Variants in CDK19 observed in about 807,000 individuals in gnomAD.
The protein encoded by CDK19 is cyclin dependent kinase 19.
A neutral mutation model predicts 68.3 loss-of-function variants in CDK19; 20 were observed. The ratio of observed to expected loss-of-function variants is 0.29; its 90% CI spans 0.21 to 0.43. The LOEUF is 0.43. Ranked by LOEUF, CDK19 falls within the 20% of genes least tolerant of loss-of-function variation. The probability of loss-of-function intolerance (pLI) is 1.00; values close to 1 mark genes in which losing one functional copy is unlikely to be tolerated. For synonymous variants in CDK19, 221 were observed against 222.8 expected (o/e 0.99, Z 0.07); for missense variants, 339 against 623.5 (o/e 0.54, Z 4.86).
intron 2 of CDK19, among the ~76,000 whole-genome samples, chr6:110,697,476 G>A (rs909047068): frequency 6.6e-6 from 1 of 152,016 alleles, no homozygotes; most frequent in Non-Finnish European, 1.5e-5. Context: ...TCTCCACAAG[G>A]AAAACTACAA....
intron 2 of CDK19, among the ~76,000 whole-genome samples, chr6:110,673,271 T>G (rs892147958): frequency 6.6e-6 from 1 of 152,226 alleles, no homozygotes; most frequent in African/African-American, 2.4e-5. Flanking sequence ...GTAGCATGTA[T>G]GAGAATTTCA....
At chr6:110,656,749 T>A (rs186299972) in intron 4 of CDK19, among the ~76,000 whole-genome samples, 1 of 152,354 alleles carries the variant, frequency 6.6e-6, no homozygotes, top group East Asian at 1.9e-4. Flanking sequence ...AGATAAGGTT[T>A]TCTTTTCTCT....
At chr6:110,679,544 G>A (rs1181427162) in intron 2 of CDK19, among the ~76,000 whole-genome samples, 2 of 151,966 alleles carry the variant, frequency 1.3e-5, no homozygotes, top group Admixed American at 6.6e-5. Flanking sequence ...CCTGGGAGGC[G>A]GAGGTTGCAG....
At chr6:110,701,286 T>C (rs1773982328) in intron 2 of CDK19, among the ~76,000 whole-genome samples, 1 of 151,366 alleles carries the variant, frequency 6.6e-6, no homozygotes, top group African/African-American at 2.4e-5. Context: ...CTCAAGCCTG[T>C]AATCCCAGCA....
chr6:110,731,134 AG>A, intron 2 of CDK19, among the ~76,000 whole-genome samples: 1 of 146,162 alleles, frequency 6.8e-6, no homozygotes, highest in East Asian at 1.9e-4. Context: ...AGAAAAGAAA[AG>A]AAAAAAGAAA....
At chr6:110,620,977 G>C (rs998629081) in intron 12 of CDK19, 127 bp downstream of exon 12, 2 of 804,852 alleles carry the variant, frequency 2.5e-6, no homozygotes, top group Non-Finnish European at 3.8e-6. Flanking sequence ...CCTCTTCATA[G>C]AATGCCCTAG....
chr6:110,716,555 AC>A (rs1775414619), intron 2 of CDK19, among the ~76,000 whole-genome samples: 2 of 152,222 alleles, frequency 1.3e-5, no homozygotes, highest in African/African-American at 4.8e-5. Flanking sequence ...GAATCTTTCT[AC>A]AAAAAGATTA....
At chr6:110,717,407 A>G (rs78515894) in intron 2 of CDK19, among the ~76,000 whole-genome samples, 2,119 of 152,276 alleles carry the variant, frequency 0.014, 53 homozygotes, top group African/African-American at 0.049. Context: ...ATTTCAACTG[A>G]CAGGTAGTAC....
intron 4 of CDK19, among the ~76,000 whole-genome samples, chr6:110,656,629 T>C (rs1781322775): frequency 6.6e-6 from 1 of 152,234 alleles, no homozygotes. Context: ...AACACCTATG[T>C]TAATCAAACT....
intron 4 of CDK19, among the ~76,000 whole-genome samples, chr6:110,642,880 G>A (rs948425761): frequency 6.6e-6 from 1 of 151,704 alleles, no homozygotes; most frequent in Admixed American, 6.6e-5. Flanking sequence ...GCAGAGGAGA[G>A]GGAAAAGAGA....
At chr6:110,814,648 C>T (rs1029012762) in intron 1 of CDK19, 3 of 493,014 alleles carry the variant, frequency 6.1e-6, no homozygotes, top group Admixed American at 2.3e-5. Flanking sequence ...GGCAACTCCG[C>T]AGCGGAGCTC....
chr6:110,695,326 C>T (rs1296366421), intron 2 of CDK19, among the ~76,000 whole-genome samples: 1 of 152,020 alleles, frequency 6.6e-6, no homozygotes, highest in African/African-American at 2.4e-5. Context: ...GTGACACAAC[C>T]TAGCAAAACC....
At chr6:110,801,672 C>T (rs1219883952) in intron 1 of CDK19, among the ~76,000 whole-genome samples, 6 of 151,990 alleles carry the variant, frequency 3.9e-5, no homozygotes, top group South Asian at 2.1e-4. Flanking sequence ...CCACTGCACC[C>T]GGCTAATTTT....
chr6:110,787,426 G>T (rs961585413), intron 1 of CDK19, among the ~76,000 whole-genome samples: 1 of 151,504 alleles, frequency 6.6e-6, no homozygotes, highest in African/African-American at 2.4e-5. Context: ...TCTCCTCAAT[G>T]TTTTTTTTGT....
intron 2 of CDK19, among the ~76,000 whole-genome samples, chr6:110,724,769 A>T (rs1272304403): frequency 6.6e-6 from 1 of 152,230 alleles, no homozygotes; most frequent in Non-Finnish European, 1.5e-5. Context: ...TTAGATAGCT[A>T]GATAAGATCT....
At chr6:110,687,203 T>G (rs2114553697) in intron 2 of CDK19, among the ~76,000 whole-genome samples, 1 of 152,282 alleles carries the variant, frequency 6.6e-6, no homozygotes, top group Non-Finnish European at 1.5e-5. Flanking sequence ...TGATGGAACT[T>G]ACCTAACACA....
At chr6:110,632,483 C>T (rs1167833922) in intron 5 of CDK19, among the ~76,000 whole-genome samples, 1 of 152,232 alleles carries the variant, frequency 6.6e-6, no homozygotes, top group African/African-American at 2.4e-5. Flanking sequence ...ATAATCCCAG[C>T]ACTCTGGGAG....
chr6:110,784,095 G>A (rs1403521381), intron 1 of CDK19, among the ~76,000 whole-genome samples: 1 of 146,424 alleles, frequency 6.8e-6, no homozygotes, highest in Non-Finnish European at 1.5e-5. Flanking sequence ...GGAGGCAGAG[G>A]CTGCAGCGAA....
At chr6:110,812,172 G>A (rs937734790) in intron 1 of CDK19, among the ~76,000 whole-genome samples, 2 of 151,564 alleles carry the variant, frequency 1.3e-5, no homozygotes, top group African/African-American at 4.9e-5. Context: ...CCTGGCTGGA[G>A]TGCAGTGGCG....
Sources: allele counts gnomAD v4.1 joint callset (sites outside exome capture counted in the v4.1 genomes callset), GRCh38; gene constraint gnomAD v4.1.1; transcripts MANE v1.5; gene names NCBI Gene and HGNC (gene_info 2026-07-23, HGNC 2026-07-21).